The following ASPRV1 variants were observed in gnomAD, a reference collection of about 807,000 sequenced individuals.
ASPRV1 encodes aspartic peptidase retroviral like 1, also known as retroviral-like aspartic protease 1.
A neutral mutation model predicts 11.0 loss-of-function variants in ASPRV1; 7 were observed. The observed-to-expected ratio is 0.64, with a 90% CI of 0.36 to 1.20. ASPRV1 has a LOEUF of 1.20. ASPRV1 is among the 50% of genes most tolerant of loss of function. The probability of loss-of-function intolerance (pLI) is 0.02; values close to 1 mark genes in which losing one functional copy is unlikely to be tolerated. For missense variants in ASPRV1, 299 were observed against 320.0 expected, an observed-to-expected ratio of 0.93 and a Z score of 0.50; for synonymous variants, 136 against 138.4, an observed-to-expected ratio of 0.98 and a Z score of 0.12.
chr2:69,980,962 G>A, the ASPRV1 span, among the ~76,000 whole-genome samples: 1 of 152,268 alleles, frequency 6.6e-6, no homozygotes, highest in African/African-American at 2.4e-5. Context: ...TTTTGGTAGA[G>A]ATGGGGTTTC....
At chr2:69,961,788 TG>T, upstream of ASPRV1, 2 of 1,316,726 alleles carry the variant, frequency 1.5e-6, no homozygotes, top group Non-Finnish European at 1.0e-6. Flanking sequence ...CATCCATCCT[TG>T]GACCAACACC....
chr2:70,019,338 A>G, the ASPRV1 span: 2 of 152,218 alleles, frequency 1.3e-5, no homozygotes, highest in African/African-American at 4.8e-5. Flanking sequence ...ACAGCCATTA[A>G]GGAAAACACT....
the ASPRV1 span, chr2:70,030,387 G>C: frequency 6.6e-6 from 1 of 152,204 alleles, no homozygotes; most frequent in Non-Finnish European, 1.5e-5. Context: ...TACTGCTTTT[G>C]TTTCTTGCTA....
the ASPRV1 span, among the ~76,000 whole-genome samples, chr2:69,973,938 G>T: frequency 6.6e-6 from 1 of 152,170 alleles, no homozygotes; most frequent in Non-Finnish European, 1.5e-5. Context: ...CCAATATGAT[G>T]TCACTGAATG....
chr2:69,987,254 C>A, the ASPRV1 span, among the ~76,000 whole-genome samples: 7 of 151,996 alleles, frequency 4.6e-5, no homozygotes, highest in South Asian at 2.1e-4. Context: ...ACACAGAAGC[C>A]GCGATGTTCC....
the ASPRV1 span, among the ~76,000 whole-genome samples, chr2:69,987,024 C>T: frequency 1.3e-5 from 2 of 152,168 alleles, no homozygotes; most frequent in Non-Finnish European, 2.9e-5. Flanking sequence ...GCACCTTCCT[C>T]TGGGCTTTGA....
the ASPRV1 span, among the ~76,000 whole-genome samples, chr2:69,944,327 C>T: frequency 6.6e-6 from 1 of 152,348 alleles, no homozygotes; most frequent in African/African-American, 2.4e-5. Flanking sequence ...GAAAAAATGT[C>T]ACTTGTTATG....
At chr2:70,052,852 C>T in the ASPRV1 span, among the ~76,000 whole-genome samples, 1 of 152,156 alleles carries the variant, frequency 6.6e-6, no homozygotes, top group Non-Finnish European at 1.5e-5. Context: ...TTTTCATCCC[C>T]TACAAAACCC....
chr2:70,006,874 G>A, the ASPRV1 span, among the ~76,000 whole-genome samples: 2 of 152,164 alleles, frequency 1.3e-5, no homozygotes, highest in Admixed American at 6.5e-5. Context: ...ACAAGTGCTC[G>A]GGGTCTACAG....
upstream of ASPRV1, chr2:69,962,053 A>G (rs565370567): frequency 3.7e-5 from 8 of 213,642 alleles, no homozygotes; most frequent in East Asian, 9.1e-4. Flanking sequence ...ACATGTACTG[A>G]GCTCCTACCA....
At chr2:70,012,682 TTAA>T in the ASPRV1 span, among the ~76,000 whole-genome samples, 1 of 152,172 alleles carries the variant, frequency 6.6e-6, no homozygotes, top group African/African-American at 2.4e-5. Context: ...GTAATAATTA[TTAA>T]TTTTATTAAA....
downstream of ASPRV1, among the ~76,000 whole-genome samples, chr2:69,956,631 G>A (rs1347021698): frequency 1.3e-5 from 2 of 152,116 alleles, no homozygotes; most frequent in Non-Finnish European, 2.9e-5. Context: ...ACCAATGGGT[G>A]CTGAGGCTAG....
At chr2:70,076,571 T>C in the ASPRV1 span, among the ~76,000 whole-genome samples, 1 of 152,208 alleles carries the variant, frequency 6.6e-6, no homozygotes, top group Non-Finnish European at 1.5e-5. Flanking sequence ...TTCCTTGACT[T>C]ATGATGAGGT....
chr2:70,077,030 G>A, the ASPRV1 span, among the ~76,000 whole-genome samples: 5 of 152,210 alleles, frequency 3.3e-5, no homozygotes, highest in East Asian at 1.9e-4. Flanking sequence ...GTCAGTTACC[G>A]GCAAAACTTA....
the ASPRV1 span, among the ~76,000 whole-genome samples, chr2:70,052,126 G>A: frequency 2.8e-4 from 43 of 152,180 alleles, no homozygotes; most frequent in African/African-American, 1.0e-3. Context: ...AAATAAATAA[G>A]AAAAGTATAT....
At chr2:70,051,136 A>G in the ASPRV1 span, 8 of 152,186 alleles carry the variant, frequency 5.3e-5, no homozygotes, top group Non-Finnish European at 1.0e-4. Flanking sequence ...ACCCTATAAA[A>G]TAGGTGCTAT....
At chr2:70,022,662 C>T in the ASPRV1 span, among the ~76,000 whole-genome samples, 3 of 151,924 alleles carry the variant, frequency 2.0e-5, 1 homozygote, top group Admixed American at 1.3e-4. Flanking sequence ...TGCACTCCAG[C>T]CTGGATGACA....
At chr2:70,072,595 G>A in the ASPRV1 span, among the ~76,000 whole-genome samples, 1 of 151,760 alleles carries the variant, frequency 6.6e-6, no homozygotes, top group African/African-American at 2.4e-5. Context: ...GATGGTGAGT[G>A]CCTGTACTCC....
chr2:70,074,770 C>A, the ASPRV1 span, among the ~76,000 whole-genome samples: 2 of 151,686 alleles, frequency 1.3e-5, no homozygotes, highest in East Asian at 4.0e-4. Flanking sequence ...TCCATACTAC[C>A]TACTTAACAG....
Sources: allele counts gnomAD v4.1 joint callset (sites outside exome capture counted in the v4.1 genomes callset), GRCh38; gene constraint gnomAD v4.1.1; transcripts MANE v1.5; gene names NCBI Gene and HGNC (gene_info 2026-07-23, HGNC 2026-07-21).